NELL1: variants seen among roughly 807,000 people sequenced by gnomAD.
NELL1 encodes protein kinase C-binding protein NELL1.
NELL1 carries 76 observed loss-of-function variants against 107.4 expected under a neutral mutation model. The observed-to-expected ratio is 0.71, with a 90% CI of 0.59 to 0.86. NELL1 has a LOEUF of 0.86. NELL1 is among the 40% of genes least tolerant of loss of function. The pLI, the probability that NELL1 is intolerant of heterozygous loss-of-function variation, is 0.00. For synonymous variants in NELL1, 353 were observed against 341.2 expected, an observed-to-expected ratio of 1.03 and a Z score of -0.38; for missense variants, 1,024 against 1,005.5, an observed-to-expected ratio of 1.02 and a Z score of -0.25.
At chr11:21,547,999 G>T (rs115838664) in intron 16 of NELL1, among the ~76,000 whole-genome samples, 1,892 of 151,804 alleles carry the variant, frequency 0.012, 31 homozygotes, top group African/African-American at 0.044. Context: ...CAATCATGGC[G>T]CAACTGAAAC....
At chr11:21,338,050 G>C (rs910402371) in intron 14 of NELL1, among the ~76,000 whole-genome samples, 3 of 151,908 alleles carry the variant, frequency 2.0e-5, no homozygotes, top group African/African-American at 7.3e-5. Flanking sequence ...TTCTGTGACA[G>C]GTTGTTTCTA....
chr11:21,140,605 T>C (rs906441264), intron 13 of NELL1, among the ~76,000 whole-genome samples: 4 of 152,218 alleles, frequency 2.6e-5, no homozygotes, highest in African/African-American at 9.6e-5. Flanking sequence ...TCTAAGGCAA[T>C]TTGTTTTATC....
At chr11:21,218,394 A>C (rs745963240) in intron 13 of NELL1, among the ~76,000 whole-genome samples, 1 of 152,220 alleles carries the variant, frequency 6.6e-6, no homozygotes, top group Non-Finnish European at 1.5e-5. Context: ...TATAAGATAC[A>C]GAATGACATT....
chr11:21,327,365 TA>T (rs1454268529), intron 14 of NELL1, among the ~76,000 whole-genome samples: 3 of 152,100 alleles, frequency 2.0e-5, no homozygotes, highest in Admixed American at 2.0e-4. Context: ...CTGATGGTTT[TA>T]TAAGGGGCTT....
chr11:20,962,066 C>T (rs1415160356), intron 12 of NELL1, among the ~76,000 whole-genome samples: 1 of 151,706 alleles, frequency 6.6e-6, no homozygotes, highest in Non-Finnish European at 1.5e-5. Context: ...TTATTTTTCA[C>T]TGTTTTTTTG....
At chr11:20,989,245 G>A (rs931168400) in intron 12 of NELL1, among the ~76,000 whole-genome samples, 21 of 152,190 alleles carry the variant, frequency 1.4e-4, no homozygotes, top group Non-Finnish European at 2.9e-4. Context: ...GAGGCTTGGG[G>A]TTCTCTGAAT....
At chr11:20,721,353 A>T (rs1013911112) in intron 2 of NELL1, among the ~76,000 whole-genome samples, 21 of 151,784 alleles carry the variant, frequency 1.4e-4, no homozygotes, top group African/African-American at 5.1e-4. Context: ...CTCAAATCTC[A>T]GTGACATACA....
chr11:21,438,939 T>C (rs1338268987), intron 15 of NELL1, among the ~76,000 whole-genome samples: 1 of 151,830 alleles, frequency 6.6e-6, no homozygotes. Flanking sequence ...CATTTTTTTG[T>C]CCTAATATAC....
chr11:20,806,898 A>C (rs1038362276), intron 3 of NELL1, among the ~76,000 whole-genome samples: 2 of 152,056 alleles, frequency 1.3e-5, no homozygotes, highest in East Asian at 3.9e-4. Context: ...TTTGATTCTT[A>C]TTTCAATCTT....
At chr11:21,519,524 GTTTGTTTT>G (rs1855661913) in intron 15 of NELL1, among the ~76,000 whole-genome samples, 1 of 116,116 alleles carries the variant, frequency 8.6e-6, no homozygotes, top group South Asian at 3.0e-4. Flanking sequence ...TTGTTTGTTT[GTTTGTTTT>G]GTTTTGTTTT....
At chr11:21,466,074 C>T (rs1485741693) in intron 15 of NELL1, among the ~76,000 whole-genome samples, 2 of 152,050 alleles carry the variant, frequency 1.3e-5, no homozygotes, top group Non-Finnish European at 2.9e-5. Flanking sequence ...GGAACTGAAA[C>T]CTAGAGAGGG....
At chr11:20,755,536 T>G (rs1186603834) in intron 2 of NELL1, among the ~76,000 whole-genome samples, 1 of 39,286 alleles carries the variant, frequency 2.5e-5, no homozygotes, top group African/African-American at 8.0e-5. Flanking sequence ...CTGTGTGGGT[T>G]TTTGTTTTTT....
At chr11:20,797,520 C>G (rs571515691) in intron 3 of NELL1, among the ~76,000 whole-genome samples, 3 of 134,652 alleles carry the variant, frequency 2.2e-5, no homozygotes, top group Non-Finnish European at 3.1e-5. Context: ...GAGCCGAGAT[C>G]GCGGCACTGC....
intron 2 of NELL1, among the ~76,000 whole-genome samples, chr11:20,771,582 T>C (rs1856641958): frequency 6.6e-6 from 1 of 151,240 alleles, no homozygotes; most frequent in Non-Finnish European, 1.5e-5. Flanking sequence ...GATAGAAAAG[T>C]CATATGATTA....
intron 12 of NELL1, among the ~76,000 whole-genome samples, chr11:21,003,750 G>A (rs1217630529): frequency 6.6e-6 from 1 of 152,022 alleles, no homozygotes; most frequent in Non-Finnish European, 1.5e-5. Context: ...GAAACAAACT[G>A]TGAGCACTAA....
intron 14 of NELL1, among the ~76,000 whole-genome samples, chr11:21,325,131 A>G (rs1850101421): frequency 6.6e-6 from 1 of 152,090 alleles, no homozygotes; most frequent in Non-Finnish European, 1.5e-5. Flanking sequence ...AAAAAGTACA[A>G]ATGCACCGAT....
chr11:21,112,423 T>A (rs1403794444), intron 12 of NELL1, among the ~76,000 whole-genome samples: 1 of 152,066 alleles, frequency 6.6e-6, no homozygotes, highest in Non-Finnish European at 1.5e-5. Context: ...GCTCTAATGA[T>A]TATTGTAATA....
chr11:21,087,812 G>C (rs1288354028), intron 12 of NELL1, among the ~76,000 whole-genome samples: 1 of 152,132 alleles, frequency 6.6e-6, no homozygotes, highest in African/African-American at 2.4e-5. Flanking sequence ...AATCAGGTTT[G>C]ATTGGAACAT....
intron 15 of NELL1, among the ~76,000 whole-genome samples, chr11:21,510,756 T>C (rs1855415215): frequency 6.6e-6 from 1 of 152,230 alleles, no homozygotes; most frequent in Non-Finnish European, 1.5e-5. Flanking sequence ...TTTGGACCAC[T>C]CTGTGCATGA....
Sources: gnomAD v4.1 joint callset for allele counts (sites outside exome capture counted in the v4.1 genomes callset) on GRCh38, gnomAD v4.1.1 for gene constraint, MANE v1.5 for transcripts, NCBI Gene and HGNC (gene_info 2026-07-23, HGNC 2026-07-21) for gene names.